DNAAF2: variants seen among roughly 807,000 people sequenced by gnomAD.
DNAAF2 encodes the protein protein kintoun.
In DNAAF2, 58 loss-of-function variants were observed where a neutral mutation model predicts 48.8. That is an observed-to-expected ratio of 1.19 (90% CI 0.96 to 1.48). The LOEUF is 1.48. Among genes scored for constraint, DNAAF2 ranks in the 40% most tolerant of loss-of-function variants. The pLI is 0.00. For synonymous variants in DNAAF2, 567 were observed against 481.2 expected (o/e 1.18, Z -2.33); for missense variants, 1,241 against 1,116.1 (o/e 1.11, Z -1.59).
Position 49,625,382 on chromosome 14 carries a change from A to G in DNAAF2, c.*160T>C. 2.2e-6 allele frequency: 1 copy of G among 451,172 alleles called. No individual in the cohort carries two copies. Among genetic ancestry groups the G allele is most frequent in the Non-Finnish European group, 3.6e-6 (1 of 277,736 alleles). 27.9% of individuals were successfully genotyped at this position (451,172 alleles called of 1,614,324 possible). A position where few individuals can be genotyped will look rare whatever the true frequency, so the allele number is the denominator to read the frequency against. Reference sequence around the variant, plus strand: ...GGCAAAAAAAAAAAAATTATCTCCAATTTCCCCCATGAGAATCAAAATTGC... The same window carrying G: ...GGCAAAAAAAAAAAAATTATCTCCAGTTTCCCCCATGAGAATCAAAATTGC... On this transcript the variant is annotated 3_prime_UTR_variant, in exon 3 of 3. Transcript: ENST00000298292.
intron 1 of DNAAF2, among the ~76,000 whole-genome samples, chr14:49,632,750 T>A (rs1490376517): frequency 6.6e-6 from 1 of 151,246 alleles, no homozygotes; most frequent in Non-Finnish European, 1.5e-5. Context: ...CCCAGCCAAC[T>A]AATACTTAAT....
rs1883057111 is a variant in DNAAF2 at position 49,628,081 on chromosome 14, A to G, written c.1938T>C (p.Ser646=). ...EEVLSSPFKQ[S]MSLTPPLIEV... The stretch of plus-strand genomic sequence containing the variant: ...CAATTAATGGTGGGGTCAAGGACAT[A>G]GACTGTTTGAATGGAGAGCTCAGGA... The change falls in exon 2 of 3, where the codon TCT becomes TCC. Residue 646 remains serine, a synonymous_variant. Coordinates refer to ENST00000298292, the MANE Select transcript of DNAAF2 (RefSeq NM_018139.3). The G allele has an allele frequency of 6.3e-7, 1 of 1,587,300 alleles. No individual in the cohort carries two copies. The highest frequency in any genetic ancestry group is 1.8e-5 in the Admixed American group (1 of 56,046).
chr14:49,634,807 G>A lies in DNAAF2; in HGVS notation c.343C>T (p.Pro115Ser), dbSNP rs931555570. ...TAGGGCAGGGACCAGTGGCTGCCAG[G>A]AGCTGCGCCCCGGTCGCCACCGGAG... The part of the protein sequence containing the change: ...PGSGGDRGAA[P>S]GSHWSLPYSL... Residue 115 changes from proline (P) to serine (S), a missense_variant, in exon 1 of 3, where the codon CCT becomes TCT. By Grantham distance (74) the Pro-to-Ser change is moderately conservative. Transcript: ENST00000298292. 7 of 1,555,280 alleles carry A rather than the reference G, an allele frequency of 4.5e-6. No individual in the cohort carries two copies. The highest frequency in any genetic ancestry group is 6.1e-6 in the Non-Finnish European group (7 of 1,153,038).
chr14:49,628,660 G>A (rs1883074958), intron 1 of DNAAF2, among the ~76,000 whole-genome samples: 1 of 152,036 alleles, frequency 6.6e-6, no homozygotes, highest in Non-Finnish European at 1.5e-5. Flanking sequence ...TTACCATGTT[G>A]GCCAGACTGG....
At position 49,633,946 on chromosome 14, in the gene DNAAF2, T is replaced by C; in HGVS notation, c.1204A>G (p.Thr402Ala). Residue 402 changes from threonine to alanine, a missense_variant, in exon 1 of 3, where the codon ACC (threonine) becomes GCC (alanine). By Grantham distance (58) the Thr-to-Ala change is moderately conservative. Coordinates refer to ENST00000298292, the MANE Select transcript of DNAAF2 (RefSeq NM_018139.3). Reference protein sequence around the residue: ...RSRAEDGGHDTCVAGAAGSGV... With the variant: ...RSRAEDGGHDACVAGAAGSGV... ...GAGCCCGCAGCCCCAGCCACGCAGG[T>C]ATCGTGGCCTCCGTCCTCCGCGCGA... 2 of 1,530,088 alleles carry C rather than the reference T, an allele frequency of 1.3e-6. No homozygotes were observed. Among genetic ancestry groups the C allele is most frequent in the Non-Finnish European group, 1.7e-6 (2 of 1,144,792 alleles). The allele number at this position is 1,530,088 out of a possible 1,614,324, so 94.8% of individuals were successfully genotyped here. A position where few individuals can be genotyped will look rare whatever the true frequency, so the allele number is the denominator to read the frequency against.
Position 49,626,026 on chromosome 14 carries a change from T to C in DNAAF2, c.2030A>G (p.Asp677Gly). 6.5e-7 allele frequency: 1 copy of C among 1,531,814 alleles called. No homozygotes were observed. Among genetic ancestry groups the C allele is most frequent in the Non-Finnish European group, 8.7e-7 (1 of 1,143,834 alleles). The allele number at this position is 1,531,814 out of a possible 1,614,324, so 94.9% of individuals were successfully genotyped here. A position where few individuals can be genotyped will look rare whatever the true frequency, so the allele number is the denominator to read the frequency against. The change falls in exon 3 of 3, where the codon GAT (aspartate) becomes GGT (glycine). Residue 677 changes from aspartate (D) to glycine (G), a missense_variant. By Grantham distance (94) the Asp-to-Gly change is moderately conservative. Transcript: ENST00000298292. ...NAKLQECSNS[D>G]QLQGKEERVN... ...TCTTTCCTCCTTTCCTTGTAGCTGA[T>C]CAGAGTTACTACATTCTTGCAACTG...
rs1266516349 is a variant in DNAAF2, at chr14:49,634,913, G to A, written c.237C>T (p.Arg79=). ...FVHPEPGHVL[R]TSLDGARRCF... The stretch of plus-strand genomic sequence containing the variant: ...AGCGCCGCGCCCCGTCCAGGCTGGT[G>A]CGCAGCACATGGCCGGGCTCCGGGT... The change falls in exon 1 of 3, where the codon CGC becomes CGT. Residue 79 remains arginine, a synonymous_variant. Transcript: ENST00000298292. The A allele has an allele frequency of 6.4e-7, 1 of 1,552,134 alleles. No homozygotes were observed. Among genetic ancestry groups the A allele is most frequent in the Admixed American group, 2.0e-5 (1 of 51,250 alleles).
Position 49,625,802 on chromosome 14 carries a change from A to C in DNAAF2, c.2254T>G (p.Ser752Ala), listed in dbSNP as rs1197800791. Residue 752 changes from serine (S) to alanine (A), a missense_variant, in exon 3 of 3, where the codon TCT (serine) becomes GCT (alanine). Ser to Ala is a moderately conservative substitution (Grantham distance 99, BLOSUM62 1). Transcript: ENST00000298292. The part of the protein sequence containing the change: ...KSQQPESKMQ[S>A]EFIKEKSATC... ...GCACTTTTTTCTTTTATAAATTCAG[A>C]TTGCATTTTTGACTCAGGTTGCTGA... 2.5e-6 allele frequency: 4 copies of C among 1,607,978 alleles called. No individual in the cohort carries two copies. The highest frequency in any genetic ancestry group is 3.4e-6 in the Non-Finnish European group (4 of 1,178,096).
At chr14:49,627,875 C>A (rs1883050942) in intron 2 of DNAAF2, 137 bp downstream of exon 2, 10 of 798,622 alleles carry the variant, frequency 1.3e-5, no homozygotes, top group South Asian at 4.7e-5. Context: ...AAAAGAAAAA[C>A]TTTTCTTCTC....
Position 49,634,020 on chromosome 14 carries a change from C to T in DNAAF2, c.1130G>A (p.Gly377Asp). ...CTCGCGAGCGGAAGCGCAGGCCTGGCCGTCAGTTCCGGACCGGTCCGCGGA... is the reference window on the plus strand; with the variant it reads ...CTCGCGAGCGGAAGCGCAGGCCTGGTCGTCAGTTCCGGACCGGTCCGCGGA... ...EESADRSGTD[G>D]QACASAREGE... The change falls in exon 1 of 3, where the codon GGC becomes GAC. Residue 377 changes from glycine to aspartate, a missense_variant. By Grantham distance (94) the Gly-to-Asp change is moderately conservative. Transcript: ENST00000298292. 6.6e-7 allele frequency: 1 copy of T among 1,522,520 alleles called. No individual in the cohort carries two copies. The highest frequency in any genetic ancestry group is 8.8e-7 in the Non-Finnish European group (1 of 1,140,908). The allele number at this position is 1,522,520 out of a possible 1,614,324, so 94.3% of individuals were successfully genotyped here. A position where few individuals can be genotyped will look rare whatever the true frequency, so the allele number is the denominator to read the frequency against.
intron 2 of DNAAF2, 119 bp from the exon 3 acceptor site, chr14:49,626,167 G>T: frequency 3.9e-6 from 3 of 766,220 alleles, no homozygotes; most frequent in Non-Finnish European, 5.5e-6. Context: ...CAGACCTGCA[G>T]GTATACATCC....
rs1208445913 is a variant in DNAAF2, at chr14:49,634,644, A to C, written c.506T>G (p.Leu169Arg). 3 of 1,607,234 alleles carry C rather than the reference A, an allele frequency of 1.9e-6. No homozygotes were observed. Among genetic ancestry groups the C allele is most frequent in the Non-Finnish European group, 2.5e-6 (3 of 1,179,688 alleles). Reference protein sequence around the residue: ...GFRQMLDATALEAVEKQFGVK... With the variant: ...GFRQMLDATAREAVEKQFGVK... ...GCCGAACTGCTTCTCGACGGCCTCC[A>C]GGGCCGTGGCGTCCAGCATCTGGCG... is the stretch of plus-strand genomic sequence containing the variant. The change falls in exon 1 of 3, where the codon CTG (leucine) becomes CGG (arginine). Residue 169 changes from leucine to arginine, a missense_variant. Leu to Arg is a moderately radical substitution (Grantham distance 102). Transcript: ENST00000298292.
At position 49,634,264 on chromosome 14, in the gene DNAAF2, C is replaced by T. The variant is rs770076717; in HGVS notation, c.886G>A (p.Glu296Lys). Reference sequence around the variant, plus strand: ...CTCGTTACCTCCAGCGCCGCCTGCTCGGCCGAGCGCAACAGCGGCAGTTCG... The same window carrying T: ...CTCGTTACCTCCAGCGCCGCCTGCTTGGCCGAGCGCAACAGCGGCAGTTCG... Reference protein sequence around the residue: ...TIELPLLRSAEQAALEVTRKL... With the variant: ...TIELPLLRSAKQAALEVTRKL... The change falls in exon 1 of 3, where the codon GAG becomes AAG. Residue 296 changes from glutamate (E) to lysine (K), a missense_variant. By Grantham distance (56) the Glu-to-Lys change is moderately conservative. Transcript: ENST00000298292. 6 of 1,612,282 alleles carry T rather than the reference C, an allele frequency of 3.7e-6. No homozygotes were observed. The highest frequency in any genetic ancestry group is 2.2e-5 in the East Asian group (1 of 44,874).
In DNAAF2 at chr14:49,634,468, A is replaced by G. The variant is rs751664496; in HGVS notation, c.682T>C (p.Tyr228His). Residue 228 changes from tyrosine (Y) to histidine (H), a missense_variant, in exon 1 of 3, where the codon TAC becomes CAC. Coordinates refer to ENST00000298292, the MANE Select transcript of DNAAF2 (RefSeq NM_018139.3). Reference sequence around the variant, plus strand: ...GGCCCGGGGGCTGCCGGGTACTGGTAAGGGTAGGGGAAGTCCGGGAGAGGA... The same window carrying G: ...GGCCCGGGGGCTGCCGGGTACTGGTGAGGGTAGGGGAAGTCCGGGAGAGGA... ...KGPLPDFPYP[Y>H]QYPAAPGPRA... 6.4e-5 allele frequency: 100 copies of G among 1,572,906 alleles called. No individual in the cohort carries two copies. Among genetic ancestry groups the G allele is most frequent in the Non-Finnish European group, 8.4e-5 (98 of 1,164,666 alleles).
intron 1 of DNAAF2, among the ~76,000 whole-genome samples, chr14:49,631,169 C>T (rs544641687): frequency 6.6e-6 from 1 of 152,254 alleles, no homozygotes; most frequent in South Asian, 2.1e-4. Context: ...TTTGAAGATC[C>T]AGAATAACAC....
chr14:49,627,397 T>C (rs1465311782), intron 2 of DNAAF2, among the ~76,000 whole-genome samples: 1 of 152,192 alleles, frequency 6.6e-6, no homozygotes. Flanking sequence ...TTGTATAACA[T>C]AGTTCTCATG....
At position 49,634,460 on chromosome 14, in the gene DNAAF2, G is replaced by C; in HGVS notation, c.690C>G (p.Tyr230Ter). Residue 230 changes from tyrosine (Y) to a stop codon, truncating the protein, a stop_gained, in exon 1 of 3, where the codon TAC becomes TAG. Coordinates refer to ENST00000298292, the MANE Select transcript of DNAAF2 (RefSeq NM_018139.3). LOFTEE classifies it high-confidence loss of function. ...PLPDFPYPYQ[Y>*]PAAPGPRAPS... The stretch of plus-strand genomic sequence containing the variant: ...GCGCCCGGGGCCCGGGGGCTGCCGG[G>C]TACTGGTAAGGGTAGGGGAAGTCCG... The C allele has an allele frequency of 1.9e-6, 3 of 1,565,310 alleles. No individual in the cohort carries two copies. Among genetic ancestry groups the C allele is most frequent in the Non-Finnish European group, 2.6e-6 (3 of 1,159,778 alleles).
Position 49,625,630 on chromosome 14 carries a change from A to C in DNAAF2, c.2426T>G (p.Met809Arg), listed in dbSNP as rs1287126715. 36 of 1,613,622 alleles carry C rather than the reference A, an allele frequency of 2.2e-5. No homozygotes were observed. The highest frequency in any genetic ancestry group is 2.8e-5 in the Non-Finnish European group (33 of 1,179,786). Residue 809 changes from methionine (M) to arginine (R), a missense_variant, in exon 3 of 3, where the codon ATG becomes AGG. Met to Arg is a moderately conservative substitution (Grantham distance 91). Transcript: ENST00000298292. ...AATGACCTGCACACTACCATCCTGC[A>C]TATTGGTTTCTTTTATGCTGTCGAA... is the stretch of plus-strand genomic sequence containing the variant. ...PGFDSIKETN[M>R]QDGSVQVIKD... is the part of the protein sequence containing the mutation.
At chr14:49,632,981 G>A (rs1883202688) in intron 1 of DNAAF2, among the ~76,000 whole-genome samples, 2 of 151,956 alleles carry the variant, frequency 1.3e-5, no homozygotes, top group African/African-American at 4.8e-5. Context: ...GAGTGCAGTG[G>A]CGCGATCTTG....
Sources: allele counts gnomAD v4.1 joint callset (sites outside exome capture counted in the v4.1 genomes callset), GRCh38; gene constraint gnomAD v4.1.1; transcripts MANE v1.5; gene names NCBI Gene and HGNC (gene_info 2026-07-23, HGNC 2026-07-21).